The following DNAJC2 variants were observed in gnomAD, a reference collection of about 807,000 sequenced individuals.
DNAJC2 encodes the protein dnaJ homolog subfamily C member 2.
A neutral mutation model predicts 94.0 loss-of-function variants in DNAJC2; 32 were observed. The ratio of observed to expected loss-of-function variants is 0.34; its 90% confidence interval spans 0.26 to 0.46. The LOEUF is 0.46. Among genes scored for constraint, DNAJC2 ranks in the 20% least tolerant of loss-of-function variants. The pLI, the probability that DNAJC2 is intolerant of heterozygous loss-of-function variation, is 1.00. For missense variants in DNAJC2, 550 were observed against 719.5 expected (o/e 0.76, Z 2.69); for synonymous variants, 210 against 229.7 (o/e 0.91, Z 0.77).
chr7:103,336,620 A>G (rs1175198407), intron 3 of DNAJC2: 1 of 152,252 alleles, frequency 6.6e-6, no homozygotes, highest in East Asian at 1.9e-4. Context: ...TGTTGGGATT[A>G]TAGGCGTGAG....
intron 1 of DNAJC2, among the ~76,000 whole-genome samples, chr7:103,343,092 C>T (rs765995707): frequency 7.2e-5 from 11 of 151,992 alleles, no homozygotes; most frequent in Non-Finnish European, 1.3e-4. Flanking sequence ...CTCCGCCTCC[C>T]GGGTTCAAAC....
At chr7:103,336,319 A>C (rs189582079) in intron 3 of DNAJC2, 2 of 152,380 alleles carry the variant, frequency 1.3e-5, no homozygotes, top group Admixed American at 6.5e-5. Flanking sequence ...ATTTATCTGT[A>C]CTAAGACATA....
chr7:103,326,189 G>A (rs1818696767), intron 5 of DNAJC2, among the ~76,000 whole-genome samples: 1 of 152,080 alleles, frequency 6.6e-6, no homozygotes, highest in African/African-American at 2.4e-5. Flanking sequence ...TGTTGGCCAG[G>A]CTGGTCTTGA....
intron 2 of DNAJC2, 40 bp downstream of exon 2, chr7:103,341,724 C>A: frequency 6.8e-7 from 1 of 1,467,056 alleles, no homozygotes; most frequent in Non-Finnish European, 9.1e-7. Context: ...CTATGTCTAA[C>A]AAAGCATCTG....
chr7:103,333,950 C>CTTT (rs1563471240), intron 3 of DNAJC2, among the ~76,000 whole-genome samples: 2 of 148,754 alleles, frequency 1.3e-5, no homozygotes. Flanking sequence ...CTGTTGTGAA[C>CTTT]ATTTTTTTTT....
chr7:103,340,730 T>C (rs2116055657), intron 2 of DNAJC2, among the ~76,000 whole-genome samples: 1 of 152,372 alleles, frequency 6.6e-6, no homozygotes, highest in Admixed American at 6.5e-5. Context: ...TATTTGTTTA[T>C]ACTTTTGTCC....
chr7:103,321,944 T>C lies in DNAJC2; in HGVS notation c.1071A>G (p.Arg357=), dbSNP rs747142313. The C allele has an allele frequency of 3.7e-6, 6 of 1,613,508 alleles. No individual in the cohort carries two copies. In the South Asian group the frequency reaches 6.6e-5, roughly 18 times the overall value. ...CAGTCTGATATACCTTGCATGAGTT[T>C]CGAAGTTTTTGCCTTTCCTTCTTAA... is the stretch of plus-strand genomic sequence containing the variant. ...KAIKKERQKL[R]NSCKTWNHFS... The change falls in exon 10 of 17, where the codon CGA becomes CGG. Residue 357 remains arginine (R), a synonymous_variant. Transcript: ENST00000379263.
chr7:103,341,755 A>G lies in DNAJC2; in HGVS notation c.255+9T>C, dbSNP rs757626354. The G allele has an allele frequency of 2.8e-5, 44 of 1,545,584 alleles. No homozygotes were observed. The highest frequency in any genetic ancestry group is 3.7e-5 in the Non-Finnish European group (43 of 1,148,298). On this transcript the variant is annotated intron_variant, in intron 2 of 16. Coordinates refer to ENST00000379263, the MANE Select transcript of DNAJC2 (RefSeq NM_014377.3). ...ATCTGACTGAACAAAATATTCAGATATTAAATACCTTCCAGTCTTTGGGAT... is the reference window on the plus strand; with the variant it reads ...ATCTGACTGAACAAAATATTCAGATGTTAAATACCTTCCAGTCTTTGGGAT...
chr7:103,313,615 C>A, intron 15 of DNAJC2: 1 of 984,708 alleles, frequency 1.0e-6, no homozygotes, highest in Non-Finnish European at 1.2e-6. Flanking sequence ...GGTACCAGTG[C>A]TGGAGAGGCA....
chr7:103,315,690 A>AC, intron 15 of DNAJC2, 74 bp downstream of exon 15: 1 of 943,982 alleles, frequency 1.1e-6, no homozygotes, highest in South Asian at 1.4e-5. Context: ...CTGAACATAG[A>AC]CCCTAAGTCT....
rs1158000431 is a variant in DNAJC2, at chr7:103,322,571, T to C, written c.873A>G (p.Lys291=). ...KKFKEEEKAK[K]EAEKKAKAEA... is the part of the protein sequence containing the mutation. ...CTGCTTTTGCTTTCTTTTCTGCTTC[T>C]TTCTTGGCTTTTTCTTCTTCCTTGA... Residue 291 remains lysine (K), a synonymous_variant, in exon 9 of 17, where the codon AAA becomes AAG. Transcript: ENST00000379263. 6.2e-7 allele frequency: 1 copy of C among 1,600,186 alleles called. No individual in the cohort carries two copies. Among genetic ancestry groups the C allele is most frequent in the Admixed American group, 1.7e-5 (1 of 58,966 alleles).
intron 4 of DNAJC2, 196 bp downstream of exon 4, chr7:103,327,460 T>C (rs1274277824): frequency 1.4e-6 from 1 of 723,714 alleles, no homozygotes; most frequent in South Asian, 1.6e-5. Context: ...GTGTTGCTGA[T>C]GCTGCTGGCT....
intron 15 of DNAJC2, chr7:103,314,394 A>G: frequency 2.0e-6 from 2 of 985,424 alleles, no homozygotes; most frequent in South Asian, 4.7e-5. Flanking sequence ...ATTTCCATAA[A>G]AGAGGCAAAG....
intron 15 of DNAJC2, 93 bp downstream of exon 15, chr7:103,315,671 C>T: frequency 2.7e-6 from 2 of 741,216 alleles, no homozygotes; most frequent in Admixed American, 5.7e-5. Context: ...ATTTTATTTC[C>T]CTATCATTCT....
chr7:103,324,367 T>C, intron 6 of DNAJC2, 115 bp downstream of exon 6: 1 of 898,564 alleles, frequency 1.1e-6, no homozygotes, highest in East Asian at 3.5e-5. Flanking sequence ...GTGCTTTTGT[T>C]CAGTGAAGGT....
intron 2 of DNAJC2, among the ~76,000 whole-genome samples, chr7:103,338,344 T>TG (rs1382681126): frequency 6.6e-6 from 1 of 150,520 alleles, no homozygotes; most frequent in East Asian, 2.0e-4. Flanking sequence ...TTGCCCAGGC[T>TG]GGAGTGCAGT....
chr7:103,312,985 G>A lies in DNAJC2; in HGVS notation c.1753C>T (p.Pro585Ser). Residue 585 changes from proline to serine, a missense_variant, in exon 16 of 17, where the codon CCT becomes TCT. Transcript: ENST00000379263. ...ATGCAGTCCTTCTTTGTCCTGCCAG[G>A]CACCGCTTCTGCTATTTTTTCCCAT... ...ERWEKIAEAV[P>S]GRTKKDCMKR... is the part of the protein sequence containing the mutation. 6.2e-7 allele frequency: 1 copy of A among 1,613,872 alleles called. No individual in the cohort carries two copies. The highest frequency in any genetic ancestry group is 8.5e-7 in the Non-Finnish European group (1 of 1,179,914).
At chr7:103,313,784 A>G in intron 15 of DNAJC2, 1 of 984,638 alleles carries the variant, frequency 1.0e-6, no homozygotes, top group Non-Finnish European at 1.2e-6. Flanking sequence ...AGAAACAAAT[A>G]TGTTTCTTAA....
At chr7:103,340,929 C>A (rs79383185) in intron 2 of DNAJC2, among the ~76,000 whole-genome samples, 7,344 of 152,242 alleles carry the variant, frequency 0.048, 237 homozygotes, top group African/African-American at 0.08. Flanking sequence ...GCACCTCCCA[C>A]AAACATTCTT....
Sources: allele counts gnomAD v4.1 joint callset (sites outside exome capture counted in the v4.1 genomes callset), GRCh38; gene constraint gnomAD v4.1.1; transcripts MANE v1.5; gene names NCBI Gene and HGNC (gene_info 2026-07-23, HGNC 2026-07-21).